The following ARHGEF9 variants were observed in gnomAD, a reference collection of about 807,000 sequenced individuals.
The protein encoded by ARHGEF9 is rho guanine nucleotide exchange factor 9.
In ARHGEF9, 2 loss-of-function variants were observed where a neutral mutation model predicts 41.3. The observed-to-expected ratio is 0.05, with a 90% CI of 0.02 to 0.15. ARHGEF9 has a LOEUF of 0.15. Ranked by LOEUF, ARHGEF9 falls within the 10% of genes least tolerant of loss-of-function variation. ARHGEF9 has a pLI of 1.00. For synonymous variants in ARHGEF9, 160 were observed against 154.4 expected, an observed-to-expected ratio of 1.04 and a Z score of -0.27; for missense variants, 225 against 424.7, an observed-to-expected ratio of 0.53 and a Z score of 4.13.
At position 63,755,270 on chromosome X, in the gene ARHGEF9, G is replaced by C. The variant is rs1188523466; in HGVS notation, c.30+29846C>G. On this transcript the variant is annotated intron_variant, in intron 1 of 9. Coordinates refer to ENST00000671741, the MANE Select transcript of ARHGEF9 (RefSeq NM_001353921.2). ...CTGCCCAGGGGCGGGACTTGCGCTG[G>C]CGTGCTAGCCGCGACCGCCAATCAG... The C allele has an allele frequency of 1.2e-5, 11 of 922,666 alleles. No homozygotes were observed. The Admixed American group carries it at 1.7e-4, about 15-fold the overall frequency. 76.0% of individuals were successfully genotyped at this position (922,666 alleles called of 1,213,427 possible).
At position 63,645,230 on chromosome X, in the gene ARHGEF9, T is replaced by C. The variant is rs1311338453; in HGVS notation, c.1322-1182A>G. Among the ~76,000 whole-genome samples, 11 of 111,416 alleles carry C rather than the reference T, an allele frequency of 9.9e-5. No individual in the cohort carries two copies. The South Asian group carries it at 1.1e-3, about 12-fold the overall frequency. On this transcript the variant is annotated intron_variant, in intron 8 of 9. Coordinates refer to ENST00000671741, the MANE Select transcript of ARHGEF9 (RefSeq NM_001353921.2). ...AATATACTCTAAAATGATTTTTTTT[T>C]CACTTTTTTTAATATACTTTAAGTT...
At chrX:63,680,003 AG>A (rs1556367193) in intron 4 of ARHGEF9, among the ~76,000 whole-genome samples, 2 of 112,704 alleles carry the variant, frequency 1.8e-5, no homozygotes, top group Non-Finnish European at 3.7e-5. Context: ...CAGGACACAA[AG>A]TCAATGTACA....
At chrX:63,688,275 C>A (rs782808552) in intron 4 of ARHGEF9, among the ~76,000 whole-genome samples, 1 of 111,176 alleles carries the variant, frequency 9.0e-6, no homozygotes, top group East Asian at 2.8e-4. Flanking sequence ...CTGTGCCCAG[C>A]AGAGCCATCC....
chrX:63,768,021 G>T (rs782135290), intron 1 of ARHGEF9, among the ~76,000 whole-genome samples: 7 of 112,193 alleles, frequency 6.2e-5, no homozygotes, highest in Admixed American at 1.9e-4. Context: ...GAGAACAAGT[G>T]GTTTTTGGTT....
chrX:63,676,121 C>T (rs1449921971), intron 5 of ARHGEF9, among the ~76,000 whole-genome samples: 1 of 112,124 alleles, frequency 8.9e-6, no homozygotes, highest in African/African-American at 3.2e-5. Flanking sequence ...CAGGGCAGAT[C>T]CTACGTAGTA....
Position 63,638,218 on chromosome X carries a change from G to A in ARHGEF9, c.1391-9C>T. The A allele has an allele frequency of 2.6e-6, 3 of 1,172,253 alleles. No homozygotes were observed. Among genetic ancestry groups the A allele is most frequent in the Non-Finnish European group, 3.4e-6 (3 of 873,536 alleles). ...GCGGGCAGAGTTGACACCTAGAGTAGATGAGAGATCAAAGGGAAAGGGTAT... is the reference window on the plus strand; with the variant it reads ...GCGGGCAGAGTTGACACCTAGAGTAAATGAGAGATCAAAGGGAAAGGGTAT... On this transcript the variant is annotated splice_polypyrimidine_tract_variant and intron_variant, in intron 9 of 9. Coordinates refer to ENST00000671741, the MANE Select transcript of ARHGEF9 (RefSeq NM_001353921.2).
At chrX:63,761,986 T>C (rs2056041657) in intron 1 of ARHGEF9, among the ~76,000 whole-genome samples, 2 of 111,882 alleles carry the variant, frequency 1.8e-5, no homozygotes, top group African/African-American at 6.5e-5. Flanking sequence ...ACAATGGTTT[T>C]CTGTCAAGCT....
At chrX:63,733,512 T>C (rs1283181830) in intron 1 of ARHGEF9, among the ~76,000 whole-genome samples, 1 of 112,718 alleles carries the variant, frequency 8.9e-6, no homozygotes, top group Non-Finnish European at 1.9e-5. Context: ...AGTTTCAATG[T>C]GGGTGTTGCT....
intron 3 of ARHGEF9, among the ~76,000 whole-genome samples, chrX:63,705,597 A>T (rs2052485715): frequency 9.0e-6 from 1 of 110,838 alleles, no homozygotes; most frequent in Non-Finnish European, 1.9e-5. Flanking sequence ...TGGGGAAAAA[A>T]AGTGACATAC....
rs58549005 is a variant in ARHGEF9, at chrX:63,705,357, ATGTGTGTG to A, written c.402+893_402+900del. ...GTCAAGAAGAAAGATATAAGAGAGAATGTGTGTGTGTGTGTGTGTGTGTGTGTGTGTGT... is the reference window on the plus strand; with the variant it reads ...GTCAAGAAGAAAGATATAAGAGAGAATGTGTGTGTGTGTGTGTGTGTGTGT... On this transcript the variant is annotated intron_variant, in intron 3 of 9. Transcript: ENST00000671741. 7.7e-3 allele frequency among the ~76,000 whole-genome samples: 629 copies of A among 82,090 alleles called. 2 individuals carry two copies. The highest frequency in any genetic ancestry group is 0.012 in the Middle Eastern group (2 of 163). The allele number at this position is 82,090 out of a possible 115,157, so 71.3% of individuals were successfully genotyped here. A position where few individuals can be genotyped will look rare whatever the true frequency, so the allele number is the denominator to read the frequency against.
At chrX:63,685,083 T>C (rs1272895270) in intron 4 of ARHGEF9, among the ~76,000 whole-genome samples, 2 of 111,009 alleles carry the variant, frequency 1.8e-5, no homozygotes, top group African/African-American at 3.3e-5. Flanking sequence ...AACATTATTG[T>C]ATTATACACT....
At chrX:63,776,935 G>C (rs2056303364) in intron 1 of ARHGEF9, among the ~76,000 whole-genome samples, 1 of 111,447 alleles carries the variant, frequency 9.0e-6, no homozygotes, top group South Asian at 3.8e-4. Flanking sequence ...TACAATGTAA[G>C]ATTGTCCAAG....
intron 1 of ARHGEF9, among the ~76,000 whole-genome samples, chrX:63,750,179 T>C (rs1158294833): frequency 8.9e-6 from 1 of 111,949 alleles, no homozygotes; most frequent in Non-Finnish European, 1.9e-5. Flanking sequence ...ACTCTGCAGG[T>C]CAAGGGACCA....
intron 8 of ARHGEF9, among the ~76,000 whole-genome samples, chrX:63,645,291 A>C (rs1356344197): frequency 9.1e-6 from 1 of 109,954 alleles, no homozygotes; most frequent in Non-Finnish European, 1.9e-5. Context: ...GGTTTGTTAC[A>C]TATGTATACA....
intron 9 of ARHGEF9, 103 bp from the exon 10 acceptor site, chrX:63,638,312 G>T: frequency 1.4e-6 from 1 of 738,326 alleles, no homozygotes; most frequent in Non-Finnish European, 2.1e-6. Flanking sequence ...AAGGCAGACT[G>T]GTTTAGAGAG....
rs147290096 is a variant in ARHGEF9, at chrX:63,697,690, G to A, written c.403-386C>T. Among the ~76,000 whole-genome samples, 119 of 111,458 alleles carry A rather than the reference G, an allele frequency of 1.1e-3. No individual in the cohort carries two copies. The Middle Eastern group carries it at 0.032, about 30-fold the overall frequency. On this transcript the variant is annotated intron_variant, in intron 3 of 9. Coordinates refer to ENST00000671741, the MANE Select transcript of ARHGEF9 (RefSeq NM_001353921.2). ...TATTCCTTATAGGACCAAACCAAAGGTCTTAATAACATTGACAAAAAATTG... is the reference window on the plus strand; with the variant it reads ...TATTCCTTATAGGACCAAACCAAAGATCTTAATAACATTGACAAAAAATTG...
chrX:63,755,356 G>C, intron 1 of ARHGEF9: 1 of 568,038 alleles, frequency 1.8e-6, no homozygotes, highest in Non-Finnish European at 2.4e-6. Context: ...CCAGCCACCA[G>C]TTCTGGTTTG....
chrX:63,681,030 C>T (rs2050592466), intron 4 of ARHGEF9, among the ~76,000 whole-genome samples: 1 of 111,294 alleles, frequency 9.0e-6, no homozygotes, highest in East Asian at 2.8e-4. Flanking sequence ...TTCTCCAGAT[C>T]CCTGATCCAC....
chrX:63,723,538 C>A (rs1408689189), intron 2 of ARHGEF9, among the ~76,000 whole-genome samples: 1 of 111,961 alleles, frequency 8.9e-6, no homozygotes, highest in Admixed American at 9.5e-5. Context: ...AAGACACCCT[C>A]ATGTAGCTTC....
Sources: gnomAD v4.1 joint callset for allele counts (sites outside exome capture counted in the v4.1 genomes callset) on GRCh38, gnomAD v4.1.1 for gene constraint, MANE v1.5 for transcripts, NCBI Gene and HGNC (gene_info 2026-07-23, HGNC 2026-07-21) for gene names.